Variants in MRTFA observed in about 807,000 individuals in gnomAD.
The protein encoded by MRTFA is myocardin-related transcription factor A.
In MRTFA, 20 loss-of-function variants were observed where a neutral mutation model predicts 83.5. The ratio of observed to expected loss-of-function variants is 0.24; its 90% confidence interval spans 0.17 to 0.35. The LOEUF is 0.35. Ranked by LOEUF, MRTFA falls within the 10% of genes least tolerant of loss-of-function variation. The pLI is 1.00. For missense variants in MRTFA, 1,200 were observed against 1,224.7 expected (o/e 0.98, Z 0.30); for synonymous variants, 659 against 541.2 (o/e 1.22, Z -3.02).
chr22:40,470,278 T>TATAA (rs1327330087), intron 3 of MRTFA, among the ~76,000 whole-genome samples: 2 of 104,196 alleles, frequency 1.9e-5, no homozygotes, highest in African/African-American at 7.1e-5. Context: ...TATATATATA[T>TATAA]ATAAAGAAAC....
intron 3 of MRTFA, among the ~76,000 whole-genome samples, chr22:40,502,808 C>G (rs1328017513): frequency 6.6e-6 from 1 of 152,098 alleles, no homozygotes; most frequent in East Asian, 1.9e-4. Flanking sequence ...AGCTCCGCTG[C>G]CCGCTGAACT....
At position 40,419,197 on chromosome 22, in the gene MRTFA, C is replaced by T. The variant is rs557877019; in HGVS notation, c.1541G>A (p.Arg514Gln). The change falls in exon 12 of 15, where the codon CGG (arginine) becomes CAG (glutamine). Residue 514 changes from arginine (R) to glutamine (Q), a missense_variant. Around this residue, in one of 2 missense-constraint regions of MRTFA, gnomAD observed 1,107 missense variants for 1,041.8 expected, o/e 1.06. Transcript: ENST00000355630. ...CACCAGGGCTGGCCCCGTGCTCAGC[C>T]GGGCCGCTGGGAAGGCTACCACCAC... The T allele has an allele frequency of 1.3e-4, 213 of 1,591,666 alleles. 1 individual carries two copies. In the South Asian group the frequency reaches 2.1e-3, roughly 16 times the overall value.
intron 3 of MRTFA, among the ~76,000 whole-genome samples, chr22:40,548,844 C>A (rs1477332386): frequency 3.3e-5 from 5 of 150,058 alleles, no homozygotes; most frequent in African/African-American, 1.2e-4. Flanking sequence ...AGCCTGGCAA[C>A]AGAGTGAGAC....
intron 3 of MRTFA, among the ~76,000 whole-genome samples, chr22:40,498,939 T>A (rs773421134): frequency 6.6e-6 from 1 of 152,204 alleles, no homozygotes; most frequent in Admixed American, 6.5e-5. Context: ...TTAGGGTGAA[T>A]TTAATCAATC....
At chr22:40,617,296 A>G (rs1905323851) in intron 1 of MRTFA, among the ~76,000 whole-genome samples, 1 of 152,008 alleles carries the variant, frequency 6.6e-6, no homozygotes. Flanking sequence ...TGTTATTTAA[A>G]GCTATGGGAC....
chr22:40,501,990 C>A (rs1324541764), intron 3 of MRTFA, among the ~76,000 whole-genome samples: 1 of 133,806 alleles, frequency 7.5e-6, no homozygotes, highest in Non-Finnish European at 1.6e-5. Context: ...GGCTGACCCC[C>A]CCACCTCCCT....
At chr22:40,541,166 C>A (rs2055284296) in intron 3 of MRTFA, among the ~76,000 whole-genome samples, 2 of 152,132 alleles carry the variant, frequency 1.3e-5, no homozygotes, top group Non-Finnish European at 2.9e-5. Context: ...AAACAGAGAA[C>A]CTTGGCTCAC....
chr22:40,603,328 C>T (rs1184890290), intron 1 of MRTFA, among the ~76,000 whole-genome samples: 2 of 152,186 alleles, frequency 1.3e-5, no homozygotes, highest in Non-Finnish European at 2.9e-5. Context: ...CCAGACAAAT[C>T]TTAAAGGCCT....
chr22:40,467,193 C>T (rs1462197648), intron 3 of MRTFA, among the ~76,000 whole-genome samples: 1 of 152,088 alleles, frequency 6.6e-6, no homozygotes, highest in Non-Finnish European at 1.5e-5. Flanking sequence ...TCAGTATCAT[C>T]TTGGGTACTG....
At chr22:40,598,353 G>A (rs556571167) in intron 1 of MRTFA, among the ~76,000 whole-genome samples, 1 of 152,178 alleles carries the variant, frequency 6.6e-6, no homozygotes, top group South Asian at 2.1e-4. Context: ...ATTTTTATAT[G>A]AATAGTATTA....
In MRTFA at chr22:40,572,487, T is replaced by TAA. The variant is rs55934032; in HGVS notation, c.-21-20122_-21-20121dup. Among the ~76,000 whole-genome samples, 1,127 of 144,182 alleles carry TAA rather than the reference T, an allele frequency of 7.8e-3. 12 individuals carry two copies. Among genetic ancestry groups the TAA allele is most frequent in the African/African-American group, 0.028 (1,085 of 39,154 alleles). 94.6% of individuals were successfully genotyped at this position (144,182 alleles called of 152,430 possible). A position where few individuals can be genotyped will look rare whatever the true frequency, so the allele number is the denominator to read the frequency against. ...GGCAACACAATGAAACCCTATCTCT[T>TAA]AAAAAAAAAAAAAATCCATACACCT... On this transcript the variant is annotated intron_variant, in intron 2 of 14. Coordinates refer to ENST00000355630, the MANE Select transcript of MRTFA (RefSeq NM_020831.6).
chr22:40,590,613 C>T (rs2056105946), intron 2 of MRTFA, among the ~76,000 whole-genome samples: 1 of 147,026 alleles, frequency 6.8e-6, no homozygotes, highest in Non-Finnish European at 1.5e-5. Context: ...GCGGAGGCTG[C>T]AGTGAGCCAA....
chr22:40,514,665 A>G (rs2054726979), intron 3 of MRTFA, among the ~76,000 whole-genome samples: 1 of 150,912 alleles, frequency 6.6e-6, no homozygotes, highest in African/African-American at 2.4e-5. Flanking sequence ...TTTTTAGTGG[A>G]GACAGGGTTT....
chr22:40,622,280 G>GA (rs1032871266), intron 1 of MRTFA, among the ~76,000 whole-genome samples: 1 of 152,000 alleles, frequency 6.6e-6, no homozygotes, highest in African/African-American at 2.4e-5. Context: ...AGGAGTTCAA[G>GA]ACCAGCCCGG....
intron 3 of MRTFA, among the ~76,000 whole-genome samples, chr22:40,523,904 G>A (rs1421437579): frequency 6.6e-6 from 1 of 151,984 alleles, no homozygotes; most frequent in African/African-American, 2.4e-5. Flanking sequence ...ATTCCCAAGA[G>A]AATATACTAA....
chr22:40,570,697 T>C (rs977100927), intron 2 of MRTFA, among the ~76,000 whole-genome samples: 1 of 148,726 alleles, frequency 6.7e-6, no homozygotes, highest in Non-Finnish European at 1.5e-5. Context: ...AACTTAAGAC[T>C]ACGAGGAAGA....
At chr22:40,441,504 G>C (rs145696031) in intron 4 of MRTFA, among the ~76,000 whole-genome samples, 2 of 152,132 alleles carry the variant, frequency 1.3e-5, no homozygotes, top group African/African-American at 4.8e-5. Flanking sequence ...TGGCATCCAG[G>C]CTGGGCGCAG....
In MRTFA at chr22:40,414,841, A is replaced by C. The variant is rs372305113; in HGVS notation, c.2578+2145T>G. On this transcript the variant is annotated intron_variant, in intron 14 of 14. Coordinates refer to ENST00000355630, the MANE Select transcript of MRTFA (RefSeq NM_020831.6). ...CTAATACCTCTGATTGTACATTTAAAAAATGATTAGAATGGCAAATTTTAT... is the reference window on the plus strand; with the variant it reads ...CTAATACCTCTGATTGTACATTTAACAAATGATTAGAATGGCAAATTTTAT... Among the ~76,000 whole-genome samples the C allele has an allele frequency of 1.9e-3, 291 of 152,322 alleles. 1 individual carries two copies. The highest frequency in any genetic ancestry group is 6.7e-3 in the African/African-American group (279 of 41,552).
intron 2 of MRTFA, among the ~76,000 whole-genome samples, chr22:40,560,896 G>A (rs1201617438): frequency 6.6e-6 from 1 of 152,138 alleles, no homozygotes; most frequent in Admixed American, 6.5e-5. Flanking sequence ...AAGAATGGAA[G>A]AACGTAGACA....
Sources: allele counts gnomAD v4.1 joint callset (sites outside exome capture counted in the v4.1 genomes callset), GRCh38; gene constraint gnomAD v4.1.1; regional missense constraint gnomAD v4.1.1; transcripts MANE v1.5; gene names NCBI Gene and HGNC (gene_info 2026-07-23, HGNC 2026-07-21).